Variants in ADAMTSL1 observed in about 807,000 individuals in gnomAD.
ADAMTSL1 encodes ADAMTS like 1.
ADAMTSL1 carries 126 observed loss-of-function variants against 201.8 expected under a neutral mutation model. The observed-to-expected ratio is 0.62, with a 90% confidence interval of 0.54 to 0.72. The LOEUF (loss-of-function observed/expected upper bound fraction) is 0.72. Among genes scored for constraint, ADAMTSL1 ranks in the 30% least tolerant of loss-of-function variants. ADAMTSL1 has a pLI of 0.00. For missense variants in ADAMTSL1, 2,679 were observed against 2,277.8 expected (o/e 1.18, Z -3.59); for synonymous variants, 1,121 against 903.4 (o/e 1.24, Z -4.32).
At chr9:18,850,319 C>T (rs1042351622) in intron 23 of ADAMTSL1, among the ~76,000 whole-genome samples, 4 of 152,226 alleles carry the variant, frequency 2.6e-5, no homozygotes, top group Non-Finnish European at 4.4e-5. Context: ...AGTGGGAAAA[C>T]AAGGAACTCT....
intron 9 of ADAMTSL1, among the ~76,000 whole-genome samples, chr9:18,674,592 C>G (rs1830030243): frequency 6.6e-6 from 1 of 151,928 alleles, no homozygotes; most frequent in Non-Finnish European, 1.5e-5. Context: ...TATAAACCTA[C>G]TATATCATCT....
intron 20 of ADAMTSL1, among the ~76,000 whole-genome samples, chr9:18,799,554 G>C (rs1055908757): frequency 6.6e-6 from 1 of 152,130 alleles, no homozygotes; most frequent in African/African-American, 2.4e-5. Flanking sequence ...AAACATTTTT[G>C]GTTGTTATTG....
chr9:18,309,299 C>G (rs541519019), intron 2 of ADAMTSL1, among the ~76,000 whole-genome samples: 1 of 152,260 alleles, frequency 6.6e-6, no homozygotes, highest in Admixed American at 6.5e-5. Flanking sequence ...CCCTCCCTCA[C>G]CACTCCTATT....
At chr9:18,605,138 C>G (rs1049758404) in intron 4 of ADAMTSL1, among the ~76,000 whole-genome samples, 2 of 152,086 alleles carry the variant, frequency 1.3e-5, no homozygotes, top group Non-Finnish European at 2.9e-5. Context: ...CTCCCAAGCT[C>G]AGAAAATAAC....
chr9:18,432,421 G>A (rs1018135028), intron 2 of ADAMTSL1, among the ~76,000 whole-genome samples: 47 of 152,132 alleles, frequency 3.1e-4, no homozygotes, highest in African/African-American at 9.2e-4. Flanking sequence ...TATGTTTCCC[G>A]TAGCAAATAA....
rs141496136 is a variant in ADAMTSL1, at chr9:18,466,387, G to C, written c.208-38442G>C. 6.1e-3 allele frequency among the ~76,000 whole-genome samples: 922 copies of C among 152,102 alleles called. 8 individuals carry two copies. Among genetic ancestry groups the C allele is most frequent in the African/African-American group, 0.021 (879 of 41,498 alleles). ...ATTTCCTTCTTGCCATACTCAACAA[G>C]TTCCAAATTCCTTCATGAAAGTCTT... On this transcript the variant is annotated intron_variant, in intron 2 of 29. Transcript: ENST00000680146.
intron 23 of ADAMTSL1, among the ~76,000 whole-genome samples, chr9:18,852,568 TGTTA>T (rs1826563930): frequency 6.6e-6 from 1 of 152,254 alleles, no homozygotes; most frequent in Admixed American, 6.5e-5. Flanking sequence ...TTTCTCTATT[TGTTA>T]GTTAATTTAA....
chr9:18,776,138 C>T (rs1310766050), intron 18 of ADAMTSL1, among the ~76,000 whole-genome samples: 1 of 152,048 alleles, frequency 6.6e-6, no homozygotes, highest in Non-Finnish European at 1.5e-5. Context: ...GAGCAAAGTT[C>T]ACTTGCTGGC....
intron 2 of ADAMTSL1, among the ~76,000 whole-genome samples, chr9:18,205,562 G>C (rs554589785): frequency 6.6e-6 from 1 of 152,040 alleles, no homozygotes. Flanking sequence ...CTGACACACA[G>C]AGGGTCAGGG....
chr9:18,230,784 A>T (rs1040657363), intron 2 of ADAMTSL1, among the ~76,000 whole-genome samples: 2 of 152,196 alleles, frequency 1.3e-5, no homozygotes, highest in African/African-American at 4.8e-5. Flanking sequence ...GACCAAACTC[A>T]TGGTAGCTTT....
intron 23 of ADAMTSL1, among the ~76,000 whole-genome samples, chr9:18,830,501 C>T (rs1824906289): frequency 6.6e-6 from 1 of 152,184 alleles, no homozygotes; most frequent in Non-Finnish European, 1.5e-5. Flanking sequence ...AAGGCAAGTG[C>T]TGAACTAATT....
At chr9:18,274,560 T>C (rs549195238) in intron 2 of ADAMTSL1, among the ~76,000 whole-genome samples, 3 of 151,846 alleles carry the variant, frequency 2.0e-5, no homozygotes, top group East Asian at 3.9e-4. Context: ...TTGTACTTAA[T>C]GCAAAAAAAA....
At chr9:18,785,105 A>T (rs1442030107) in intron 19 of ADAMTSL1, among the ~76,000 whole-genome samples, 1 of 152,048 alleles carries the variant, frequency 6.6e-6, no homozygotes, top group Non-Finnish European at 1.5e-5. Flanking sequence ...TGGAGGTTGC[A>T]GTGAGCTGGT....
At chr9:18,221,262 G>T (rs2132359329) in intron 2 of ADAMTSL1, among the ~76,000 whole-genome samples, 1 of 152,254 alleles carries the variant, frequency 6.6e-6, no homozygotes, top group East Asian at 1.9e-4. Context: ...ACACAACAGT[G>T]TGACCAAGTG....
At chr9:18,694,590 T>C (rs1009095621) in intron 13 of ADAMTSL1, among the ~76,000 whole-genome samples, 5 of 152,004 alleles carry the variant, frequency 3.3e-5, no homozygotes, top group Admixed American at 2.6e-4. Flanking sequence ...TCCAAAATGA[T>C]CTCCTTTGAC....
intron 10 of ADAMTSL1, among the ~76,000 whole-genome samples, chr9:18,677,102 T>C (rs1564141648): frequency 6.6e-6 from 1 of 152,078 alleles, no homozygotes; most frequent in Admixed American, 6.6e-5. Flanking sequence ...ATCCAGCATC[T>C]ACTTAAATAT....
At chr9:18,506,289 G>A (rs1455836469) in intron 2 of ADAMTSL1, among the ~76,000 whole-genome samples, 1 of 152,202 alleles carries the variant, frequency 6.6e-6, no homozygotes, top group African/African-American at 2.4e-5. Context: ...CTGCCACACG[G>A]TGATAATGTA....
chr9:18,689,672 C>T (rs1008958242), intron 13 of ADAMTSL1, among the ~76,000 whole-genome samples: 4 of 152,148 alleles, frequency 2.6e-5, no homozygotes, highest in African/African-American at 4.8e-5. Flanking sequence ...ATTTCAGTTG[C>T]CGTAGTTCTT....
intron 1 of ADAMTSL1, among the ~76,000 whole-genome samples, chr9:18,130,110 C>A (rs1825888128): frequency 6.6e-6 from 1 of 152,254 alleles, no homozygotes; most frequent in African/African-American, 2.4e-5. Flanking sequence ...CCTGTGGAAT[C>A]TTTGAGCCCC....
Sources: gnomAD v4.1 joint callset for allele counts (sites outside exome capture counted in the v4.1 genomes callset) on GRCh38, gnomAD v4.1.1 for gene constraint, MANE v1.5 for transcripts, NCBI Gene and HGNC (gene_info 2026-07-23, HGNC 2026-07-21) for gene names.